Variants in DOC2A observed in about 807,000 individuals in gnomAD.
The protein encoded by DOC2A is double C2 domain alpha.
DOC2A carries 28 observed loss-of-function variants against 40.6 expected under a neutral mutation model. The observed-to-expected ratio is 0.69, with a 90% CI of 0.51 to 0.95. The LOEUF is 0.95. Among genes scored for constraint, DOC2A ranks in the 40% least tolerant of loss-of-function variants. The pLI is 0.00. For missense variants in DOC2A, 474 were observed against 552.5 expected, an observed-to-expected ratio of 0.86 and a Z score of 1.42; for synonymous variants, 241 against 236.9, an observed-to-expected ratio of 1.02 and a Z score of -0.16.
Position 30,009,695 on chromosome 16 carries a change from G to A in DOC2A, c.263-138C>T. The A allele has an allele frequency of 1.1e-6, 1 of 907,350 alleles. No homozygotes were observed. The highest frequency in any genetic ancestry group is 1.4e-5 in the South Asian group (1 of 70,832). 56.2% of individuals were successfully genotyped at this position (907,350 alleles called of 1,614,324 possible). The stretch of plus-strand genomic sequence containing the variant: ...AGTGCAAGAGGCTGAGTGGGCCCAT[G>A]CGTGTGTGCGTCTGGGTCCCTGGCT... On this transcript the variant is annotated intron_variant, in intron 2 of 10. Coordinates refer to ENST00000350119, the MANE Select transcript of DOC2A (RefSeq NM_003586.3). This position sits in a 1 kb window ranked among gnomAD's most constrained non-coding sequence, Gnocchi z 4.1.
rs566515467 is a variant in DOC2A, at chr16:30,010,987, G to T, written c.-98C>A. The T allele has an allele frequency of 5.0e-6, 5 of 998,090 alleles. No homozygotes were observed. The highest frequency in any genetic ancestry group is 3.5e-5 in the African/African-American group (2 of 57,216). 61.8% of individuals were successfully genotyped at this position (998,090 alleles called of 1,614,324 possible). A position where few individuals can be genotyped will look rare whatever the true frequency, so the allele number is the denominator to read the frequency against. On this transcript the variant is annotated 5_prime_UTR_variant, in exon 1 of 11. Coordinates refer to ENST00000350119, the MANE Select transcript of DOC2A (RefSeq NM_003586.3). The surrounding 1 kb of genome is among the most constrained non-coding windows in gnomAD (Gnocchi z 4.2). Reference sequence around the variant, plus strand: ...CGGCCGGCGAGGAGAGCGCGGAGTCGAGCTGTGCGAGCCGAGAGGGAGGGA... The same window carrying T: ...CGGCCGGCGAGGAGAGCGCGGAGTCTAGCTGTGCGAGCCGAGAGGGAGGGA...
At chr16:30,007,689 C>T (rs538074749) in intron 5 of DOC2A, 52 of 329,740 alleles carry the variant, frequency 1.6e-4, no homozygotes, top group Non-Finnish European at 2.6e-4. Context: ...CGGGAACCCC[C>T]GTCCTTTTCC....
At chr16:30,011,036 G>A (rs551651896), upstream of DOC2A, 20 of 986,058 alleles carry the variant, frequency 2.0e-5, no homozygotes, top group Non-Finnish European at 2.3e-5. Context: ...GCGGGGAGGA[G>A]GGGGTGAGCG....
chr16:30,017,863 G>A (rs1192300165), intron 1 of DOC2A, among the ~76,000 whole-genome samples: 1 of 151,692 alleles, frequency 6.6e-6, no homozygotes, highest in African/African-American at 2.4e-5. Context: ...AGGAGGCTGA[G>A]GCACAAGAAT....
In DOC2A at chr16:30,010,539, G is replaced by C. The variant is rs2070750695; in HGVS notation, c.-13-304C>G. On this transcript the variant is annotated intron_variant, in intron 1 of 10. Transcript: ENST00000350119. This position sits in a 1 kb window ranked among gnomAD's most constrained non-coding sequence, Gnocchi z 4.2. ...CTTGCCAGCTCCTTCCTCTCCTCCG[G>C]GGCTCCCCTCTGCTCCTGAGCCTGC... is the stretch of plus-strand genomic sequence containing the variant. 8.8e-6 allele frequency: 4 copies of C among 455,620 alleles called. No individual in the cohort carries two copies. The highest frequency in any genetic ancestry group is 6.0e-5 in the African/African-American group (3 of 50,402). 28.2% of individuals were successfully genotyped at this position (455,620 alleles called of 1,614,324 possible).
intron 1 of DOC2A, among the ~76,000 whole-genome samples, chr16:30,018,175 G>A (rs1450534460): frequency 6.7e-6 from 1 of 149,758 alleles, no homozygotes; most frequent in Non-Finnish European, 1.5e-5. Context: ...AGCTACTTGG[G>A]AGGCTGAGGA....
In DOC2A at chr16:30,010,535, T is replaced by G; in HGVS notation, c.-13-300A>C. Reference sequence around the variant, plus strand: ...TCATCTTGCCAGCTCCTTCCTCTCCTCCGGGGCTCCCCTCTGCTCCTGAGC... The same window carrying G: ...TCATCTTGCCAGCTCCTTCCTCTCCGCCGGGGCTCCCCTCTGCTCCTGAGC... On this transcript the variant is annotated intron_variant, in intron 1 of 10. Coordinates refer to ENST00000350119, the MANE Select transcript of DOC2A (RefSeq NM_003586.3). This position sits in a 1 kb window ranked among gnomAD's most constrained non-coding sequence, Gnocchi z 4.2. The G allele has an allele frequency of 8.9e-6, 4 of 450,916 alleles. No homozygotes were observed. Among genetic ancestry groups the G allele is most frequent in the South Asian group, 2.2e-5 (1 of 45,686 alleles). The allele number at this position is 450,916 out of a possible 1,614,324, so 27.9% of individuals were successfully genotyped here. A position where few individuals can be genotyped will look rare whatever the true frequency, so the allele number is the denominator to read the frequency against.
upstream of DOC2A, chr16:30,012,057 C>G (rs2150959681): frequency 6.6e-6 from 1 of 152,524 alleles, no homozygotes; most frequent in Admixed American, 6.5e-5. Flanking sequence ...CTTCACTCAC[C>G]TGTGCCCCAA....
chr16:30,023,064 C>G (rs1325818713), upstream of DOC2A: 6 of 345,784 alleles, frequency 1.7e-5, no homozygotes, highest in Non-Finnish European at 3.3e-5. Context: ...GCCTGTTGTC[C>G]AAACACAGCT....
chr16:30,014,016 T>C (rs1312239565), upstream of DOC2A, among the ~76,000 whole-genome samples: 3 of 151,876 alleles, frequency 2.0e-5, no homozygotes, highest in Non-Finnish European at 4.4e-5. Context: ...CGCCTGGCCA[T>C]GAAGTTCAAA....
chr16:30,017,018 T>TAAG (rs1290521284), upstream of DOC2A, among the ~76,000 whole-genome samples: 2 of 152,176 alleles, frequency 1.3e-5, no homozygotes. Context: ...AAGTGTATTC[T>TAAG]AGGCAGAGGT....
In DOC2A at chr16:30,010,375, C is replaced by G; in HGVS notation, c.-13-140G>C. 8.1e-7 allele frequency: 1 copy of G among 1,230,454 alleles called. No homozygotes were observed. The highest frequency in any genetic ancestry group is 1.2e-6 in the Non-Finnish European group (1 of 860,218). The allele number at this position is 1,230,454 out of a possible 1,614,324, so 76.2% of individuals were successfully genotyped here. A position where few individuals can be genotyped will look rare whatever the true frequency, so the allele number is the denominator to read the frequency against. On this transcript the variant is annotated intron_variant, in intron 1 of 10. Coordinates refer to ENST00000350119, the MANE Select transcript of DOC2A (RefSeq NM_003586.3). This position sits in a 1 kb window ranked among gnomAD's most constrained non-coding sequence, Gnocchi z 4.2. ...GAGGGAGAGGGTGGTGTGTGCCAGC[C>G]GGTGGCAGGTGGGAGGCCTGGGCCC...
Position 30,009,486 on chromosome 16 carries a change from T to C in DOC2A, c.334A>G (p.Arg112Gly). 2 of 1,551,410 alleles carry C rather than the reference T, an allele frequency of 1.3e-6. No individual in the cohort carries two copies. The highest frequency in any genetic ancestry group is 1.7e-4 in the Middle Eastern group (1 of 5,974). The change falls in exon 3 of 11, where the codon AGG becomes GGG. Residue 112 changes from arginine to glycine, a missense_variant. Arg to Gly is a moderately radical substitution (Grantham distance 125). Coordinates refer to ENST00000350119, the MANE Select transcript of DOC2A (RefSeq NM_003586.3). The surrounding 1 kb of genome is among the most constrained non-coding windows in gnomAD (Gnocchi z 4.1). ...TGGCAGGGAGTGCCCACCTTGGCCC[T>C]GAGGATGCTACAGTGCAGAGTGCAG... ...ASCTLHCSIL[R>G]AKGLKPMDFN... is the part of the protein sequence containing the mutation.
chr16:30,006,782 C>G lies in DOC2A; in HGVS notation c.878+3G>C. 1 of 1,613,816 alleles carries G rather than the reference C, an allele frequency of 6.2e-7. No homozygotes were observed. Among genetic ancestry groups the G allele is most frequent in the Non-Finnish European group, 8.5e-7 (1 of 1,179,986 alleles). ...GGAGGAGAGGGTCAGAGCAAGGGCT[C>G]ACGTCTTGACGTAGGGGTCCGAGTA... is the stretch of plus-strand genomic sequence containing the variant. On this transcript the variant is annotated splice_donor_region_variant and intron_variant, in intron 8 of 10. Coordinates refer to ENST00000350119, the MANE Select transcript of DOC2A (RefSeq NM_003586.3). The surrounding 1 kb of genome is among the most constrained non-coding windows in gnomAD (Gnocchi z 6.2).
Position 30,009,847 on chromosome 16 carries a change from G to GCCCCCCCC in DOC2A, c.262+113_262+114insGGGGGGGG. ...TGGCCGTCCCTGCCACCCCCCCACT[G>GCCCCCCCC]CCCTCCTCCCCTACCTACATGCACA... On this transcript the variant is annotated intron_variant, in intron 2 of 10. Transcript: ENST00000350119. The surrounding 1 kb of genome is among the most constrained non-coding windows in gnomAD (Gnocchi z 4.1). 3 of 1,206,998 alleles carry GCCCCCCCC rather than the reference G, an allele frequency of 2.5e-6. No homozygotes were observed. The highest frequency in any genetic ancestry group is 3.6e-6 in the Non-Finnish European group (3 of 840,316). The allele number at this position is 1,206,998 out of a possible 1,614,324, so 74.8% of individuals were successfully genotyped here.
upstream of DOC2A, among the ~76,000 whole-genome samples, chr16:30,016,055 ATT>A (rs59271933): frequency 3.5e-3 from 59 of 16,874 alleles, no homozygotes; most frequent in African/African-American, 0.012. Context: ...ATATATATAT[ATT>A]TTTTTTTTTT....
chr16:30,006,336 G>T lies in DOC2A; in HGVS notation c.1058-5C>A. ...CTGGCCCCAGGGACACGCCACCTGG[G>T]GAGCAGGTGGGCAGGGTCAGGGCCA... On this transcript the variant is annotated splice_region_variant and splice_polypyrimidine_tract_variant and intron_variant, in intron 10 of 10. Coordinates refer to ENST00000350119, the MANE Select transcript of DOC2A (RefSeq NM_003586.3). This position sits in a 1 kb window ranked among gnomAD's most constrained non-coding sequence, Gnocchi z 6.2. The T allele has an allele frequency of 6.2e-7, 1 of 1,612,132 alleles. No individual in the cohort carries two copies. The highest frequency in any genetic ancestry group is 8.5e-7 in the Non-Finnish European group (1 of 1,179,712).
At chr16:30,016,322 T>TAC (rs958302054), upstream of DOC2A, among the ~76,000 whole-genome samples, 6 of 152,004 alleles carry the variant, frequency 3.9e-5, no homozygotes, top group African/African-American at 1.5e-4. Context: ...GTGCTGGGAT[T>TAC]ACAGGCATGA....
rs2070721043 is a variant in DOC2A, at chr16:30,009,683, G to C, written c.263-126C>G. Reference sequence around the variant, plus strand: ...CCCGCGAGTGTGAGTGCAAGAGGCTGAGTGGGCCCATGCGTGTGTGCGTCT... The same window carrying C: ...CCCGCGAGTGTGAGTGCAAGAGGCTCAGTGGGCCCATGCGTGTGTGCGTCT... On this transcript the variant is annotated intron_variant, in intron 2 of 10. Transcript: ENST00000350119. This position sits in a 1 kb window ranked among gnomAD's most constrained non-coding sequence, Gnocchi z 4.1. 2.1e-6 allele frequency: 2 copies of C among 973,900 alleles called. No homozygotes were observed. The highest frequency in any genetic ancestry group is 3.2e-5 in the African/African-American group (2 of 62,226). 60.3% of individuals were successfully genotyped at this position (973,900 alleles called of 1,614,324 possible).
Sources: allele counts gnomAD v4.1 joint callset (sites outside exome capture counted in the v4.1 genomes callset), GRCh38; gene constraint gnomAD v4.1.1; non-coding constraint Gnocchi (gnomAD v3.1); transcripts MANE v1.5; gene names NCBI Gene and HGNC (gene_info 2026-07-23, HGNC 2026-07-21).